Variants in CLSTN2 observed in about 807,000 individuals in gnomAD.
CLSTN2 encodes the protein calsyntenin 2, also known as calsyntenin-2.
In CLSTN2, 48 loss-of-function variants were observed where a neutral mutation model predicts 101.2. That is an observed-to-expected ratio of 0.47 (90% CI 0.38 to 0.60). CLSTN2 has a LOEUF of 0.60. CLSTN2 is among the 20% of genes least tolerant of loss of function. CLSTN2 has a pLI of 0.00. For missense variants in CLSTN2, 1,160 were observed against 1,238.2 expected (o/e 0.94, Z 0.95); for synonymous variants, 481 against 463.6 (o/e 1.04, Z -0.48).
At chr3:139,967,976 T>A (rs1239119505) in intron 1 of CLSTN2, among the ~76,000 whole-genome samples, 4 of 152,060 alleles carry the variant, frequency 2.6e-5, no homozygotes, top group Non-Finnish European at 5.9e-5. Context: ...TACAGACACA[T>A]ATATGTGTGT....
At chr3:140,076,479 G>C (rs571959528) in intron 1 of CLSTN2, among the ~76,000 whole-genome samples, 5 of 152,078 alleles carry the variant, frequency 3.3e-5, no homozygotes, top group African/African-American at 1.2e-4. Flanking sequence ...GTCTCCTATA[G>C]CTTGGTAGGC....
At chr3:140,561,792 A>T (rs1935920385) in intron 12 of CLSTN2, among the ~76,000 whole-genome samples, 1 of 152,150 alleles carries the variant, frequency 6.6e-6, no homozygotes, top group Admixed American at 6.5e-5. Flanking sequence ...CACTGTTTTC[A>T]ACCATCCCAA....
rs968148200 is a variant in CLSTN2, at chr3:140,083,196, T to G, written c.110-92755T>G. ...ATTTGTTTGTATGATGATTTGAATA[T>G]TTAATGTCGTCTTCTCAAGACTGTA... On this transcript the variant is annotated intron_variant, in intron 1 of 16. Coordinates refer to ENST00000458420, the MANE Select transcript of CLSTN2 (RefSeq NM_022131.3). Among the ~76,000 whole-genome samples the G allele has an allele frequency of 3.3e-5, 5 of 152,188 alleles. No homozygotes were observed. In the East Asian group the frequency reaches 9.6e-4, roughly 29 times the overall value.
chr3:140,147,561 G>A (rs2009798639), intron 1 of CLSTN2, among the ~76,000 whole-genome samples: 1 of 152,100 alleles, frequency 6.6e-6, no homozygotes, highest in Admixed American at 6.6e-5. Flanking sequence ...ATTGCTCAGT[G>A]GTTTTGAGGG....
chr3:140,408,373 G>T (rs2088328231), intron 4 of CLSTN2, among the ~76,000 whole-genome samples: 1 of 152,094 alleles, frequency 6.6e-6, no homozygotes, highest in Admixed American at 6.5e-5. Context: ...ACAAAGAAGG[G>T]CGGGGCTATC....
chr3:140,470,785 C>A (rs535018534), intron 8 of CLSTN2, among the ~76,000 whole-genome samples: 2 of 152,272 alleles, frequency 1.3e-5, no homozygotes, highest in Admixed American at 6.5e-5. Flanking sequence ...CATGCGGGGC[C>A]ATTGAATGGA....
intron 1 of CLSTN2, among the ~76,000 whole-genome samples, chr3:140,124,725 G>A (rs968888661): frequency 6.6e-6 from 1 of 152,166 alleles, no homozygotes; most frequent in Admixed American, 6.5e-5. Context: ...TGTCAGTTTG[G>A]CAGTTAAATA....
chr3:139,963,295 G>A (rs116581868), intron 1 of CLSTN2, among the ~76,000 whole-genome samples: 2 of 152,088 alleles, frequency 1.3e-5, no homozygotes, highest in African/African-American at 2.4e-5. Flanking sequence ...AGGTGCTCTG[G>A]TGTTTGGTTT....
intron 2 of CLSTN2, among the ~76,000 whole-genome samples, chr3:140,251,264 G>C (rs950544994): frequency 3.3e-5 from 5 of 152,146 alleles, no homozygotes; most frequent in African/African-American, 1.2e-4. Flanking sequence ...CTGTGGCAAG[G>C]CAATCACTGA....
At chr3:140,008,422 C>T (rs1560068325) in intron 1 of CLSTN2, among the ~76,000 whole-genome samples, 1 of 152,258 alleles carries the variant, frequency 6.6e-6, no homozygotes, top group Non-Finnish European at 1.5e-5. Context: ...GAACACCTTC[C>T]ATACTGGGCT....
intron 1 of CLSTN2, among the ~76,000 whole-genome samples, chr3:140,105,241 G>A (rs1358446939): frequency 1.3e-5 from 2 of 152,188 alleles, no homozygotes; most frequent in African/African-American, 2.4e-5. Context: ...CTGACAAAGT[G>A]CATTCATATG....
chr3:140,086,799 CAT>C (rs1476058002), intron 1 of CLSTN2, among the ~76,000 whole-genome samples: 1 of 152,220 alleles, frequency 6.6e-6, no homozygotes, highest in African/African-American at 2.4e-5. Context: ...AATCTTCAGG[CAT>C]TGCTCCAATT....
intron 8 of CLSTN2, chr3:140,508,300 G>C (rs1934724998): frequency 6.6e-6 from 1 of 152,138 alleles, no homozygotes; most frequent in African/African-American, 2.4e-5. Flanking sequence ...TTATCCCCAG[G>C]AACGCCCTCC....
chr3:140,244,705 T>C (rs984518608), intron 2 of CLSTN2, among the ~76,000 whole-genome samples: 4 of 152,168 alleles, frequency 2.6e-5, no homozygotes, highest in African/African-American at 9.7e-5. Flanking sequence ...GGTCATCCTA[T>C]TGAACACCTT....
intron 10 of CLSTN2, among the ~76,000 whole-genome samples, chr3:140,546,934 C>T (rs1386628162): frequency 6.6e-6 from 1 of 152,210 alleles, no homozygotes; most frequent in Non-Finnish European, 1.5e-5. Context: ...TACCCAAAAG[C>T]AGGCACATGT....
intron 4 of CLSTN2, among the ~76,000 whole-genome samples, chr3:140,417,779 T>G (rs576131517): frequency 6.6e-6 from 1 of 152,340 alleles, no homozygotes; most frequent in South Asian, 2.1e-4. Flanking sequence ...TCAAAAAATT[T>G]TAAATGTGTA....
At chr3:140,256,331 G>A (rs1036257465) in intron 2 of CLSTN2, among the ~76,000 whole-genome samples, 1 of 152,124 alleles carries the variant, frequency 6.6e-6, no homozygotes, top group African/African-American at 2.4e-5. Flanking sequence ...GGAATTCTGT[G>A]TTTTTTCATT....
chr3:140,171,908 A>ATG (rs564965179), intron 1 of CLSTN2, among the ~76,000 whole-genome samples: 1,835 of 130,248 alleles, frequency 0.014, 27 homozygotes, highest in Non-Finnish European at 0.017. Context: ...ATTATATATT[A>ATG]TGTGTGTGTG....
At chr3:140,118,630 T>G (rs1244338245) in intron 1 of CLSTN2, among the ~76,000 whole-genome samples, 2 of 152,096 alleles carry the variant, frequency 1.3e-5, no homozygotes, top group African/African-American at 4.8e-5. Flanking sequence ...GACTGGGGGA[T>G]AGAAGGCCTT....
Sources: allele counts gnomAD v4.1 joint callset (sites outside exome capture counted in the v4.1 genomes callset), GRCh38; gene constraint gnomAD v4.1.1; transcripts MANE v1.5; gene names NCBI Gene and HGNC (gene_info 2026-07-23, HGNC 2026-07-21).